Variants in SEMA3D observed in about 807,000 individuals in gnomAD.
SEMA3D encodes semaphorin 3D.
A neutral mutation model predicts 100.1 loss-of-function variants in SEMA3D; 84 were observed. The ratio of observed to expected loss-of-function variants is 0.84; its 90% CI spans 0.70 to 1.01. SEMA3D has a LOEUF of 1.01. Among genes scored for constraint, SEMA3D ranks in the 50% least tolerant of loss-of-function variants. The pLI is 0.00. For synonymous variants in SEMA3D, 312 were observed against 320.7 expected (o/e 0.97, Z 0.29); for missense variants, 875 against 934.1 (o/e 0.94, Z 0.82).
intron 3 of SEMA3D, among the ~76,000 whole-genome samples, chr7:85,107,857 G>A (rs145331049): frequency 4.6e-5 from 7 of 151,724 alleles, no homozygotes; most frequent in Non-Finnish European, 7.4e-5. Flanking sequence ...CCTACTGCCC[G>A]CCATATTACT....
chr7:85,201,404 C>T, the SEMA3D span, among the ~76,000 whole-genome samples: 181 of 152,250 alleles, frequency 1.2e-3, no homozygotes, highest in African/African-American at 3.8e-3. Context: ...AGTCATTTAA[C>T]GTTTCCTGCT....
chr7:85,072,040 A>G (rs1791788851), intron 6 of SEMA3D, among the ~76,000 whole-genome samples: 1 of 152,160 alleles, frequency 6.6e-6, no homozygotes, highest in African/African-American at 2.4e-5. Flanking sequence ...TTGAGACTTA[A>G]TTTTTACTAA....
In SEMA3D at chr7:85,042,304, T is replaced by A. The variant is rs376818938; in HGVS notation, c.862-19A>T. 1.1e-5 allele frequency: 17 copies of A among 1,486,420 alleles called. No individual in the cohort carries two copies. Among genetic ancestry groups the A allele is most frequent in the African/African-American group, 5.6e-5 (4 of 71,964 alleles). 92.1% of individuals were successfully genotyped at this position (1,486,420 alleles called of 1,614,324 possible). ...CATCATTCTGACATGAAAAAAAAAA[T>A]AAAGATAAATATTTATCAACACAAT... is the stretch of plus-strand genomic sequence containing the variant. On this transcript the variant is annotated intron_variant, in intron 9 of 18. Transcript: ENST00000284136.
At chr7:85,029,439 G>C (rs1201947998) in intron 12 of SEMA3D, 1 of 760,180 alleles carries the variant, frequency 1.3e-6, no homozygotes, top group African/African-American at 1.7e-5. Context: ...TTCAAGTCAA[G>C]ATTAACAATG....
chr7:85,020,167 G>C, intron 14 of SEMA3D, 66 bp downstream of exon 14: 2 of 994,434 alleles, frequency 2.0e-6, no homozygotes, highest in Non-Finnish European at 3.2e-6. Flanking sequence ...TAAAACAAGG[G>C]TGCCCTATAA....
chr7:85,168,000 A>G (rs1285254807), intron 1 of SEMA3D, among the ~76,000 whole-genome samples: 1 of 151,878 alleles, frequency 6.6e-6, no homozygotes, highest in Non-Finnish European at 1.5e-5. Context: ...TAGTAGGGGT[A>G]CTCTATACTG....
the SEMA3D span, among the ~76,000 whole-genome samples, chr7:85,197,385 GGTTT>G: frequency 6.6e-6 from 1 of 152,002 alleles, no homozygotes; most frequent in Non-Finnish European, 1.5e-5. Flanking sequence ...TGTGATCCCA[GGTTT>G]TTAGATAAAC....
chr7:85,227,764 C>G, the SEMA3D span, among the ~76,000 whole-genome samples: 1 of 151,968 alleles, frequency 6.6e-6, no homozygotes, highest in Non-Finnish European at 1.5e-5. Context: ...AGTTAGAATT[C>G]TGTGTACTAT....
At chr7:85,235,733 G>C in the SEMA3D span, among the ~76,000 whole-genome samples, 1 of 152,110 alleles carries the variant, frequency 6.6e-6, no homozygotes, top group Non-Finnish European at 1.5e-5. Flanking sequence ...TAATGTGTGT[G>C]TCAGAAGGTG....
the SEMA3D span, among the ~76,000 whole-genome samples, chr7:85,221,707 A>G: frequency 6.6e-6 from 1 of 152,126 alleles, no homozygotes; most frequent in African/African-American, 2.4e-5. Flanking sequence ...TGTTATGAGT[A>G]TCTTTAGGAG....
chr7:85,112,601 G>C (rs1162911901), intron 3 of SEMA3D, among the ~76,000 whole-genome samples: 1 of 152,148 alleles, frequency 6.6e-6, no homozygotes, highest in African/African-American at 2.4e-5. Flanking sequence ...ACACAGCTTG[G>C]TTGTGCTATT....
Position 85,126,404 on chromosome 7 carries a change from C to CGTGT in SEMA3D, c.-40-4477_-40-4474dup, listed in dbSNP as rs374819280. On this transcript the variant is annotated intron_variant, in intron 2 of 18. Transcript: ENST00000284136. ...TGTGTGTGTGTGTGTGTGTGTGTGT[C>CGTGT]GTGTGTGTGTGTGTGTGTGTGTGTG... 2.3e-3 allele frequency among the ~76,000 whole-genome samples: 309 copies of CGTGT among 134,156 alleles called. 1 individual carries two copies. Among genetic ancestry groups the CGTGT allele is most frequent in the Middle Eastern group, 0.012 (3 of 256 alleles). 88.0% of individuals were successfully genotyped at this position (134,156 alleles called of 152,430 possible).
At chr7:85,144,509 T>G (rs1002835308) in intron 2 of SEMA3D, 1 of 980,066 alleles carries the variant, frequency 1.0e-6, no homozygotes, top group Non-Finnish European at 1.2e-6. Flanking sequence ...AGAATAGAGA[T>G]ATATTTTTTG....
chr7:85,069,423 T>C (rs1791713027), intron 6 of SEMA3D, among the ~76,000 whole-genome samples: 1 of 152,164 alleles, frequency 6.6e-6, no homozygotes, highest in African/African-American at 2.4e-5. Context: ...ATAATAATGG[T>C]ACCTTTATAA....
the SEMA3D span, among the ~76,000 whole-genome samples, chr7:85,223,899 G>GA: frequency 5.5e-5 from 8 of 144,982 alleles, no homozygotes; most frequent in Admixed American, 2.1e-4. Flanking sequence ...AAAAGCTGTT[G>GA]AAAAAAAAAA....
Position 85,112,017 on chromosome 7 carries a change from A to G in SEMA3D, c.151+9724T>C, listed in dbSNP as rs189874081. Among the ~76,000 whole-genome samples the G allele has an allele frequency of 3.7e-3, 570 of 152,188 alleles. 4 individuals are homozygous for G. The highest frequency in any genetic ancestry group is 0.013 in the African/African-American group (557 of 41,536). On this transcript the variant is annotated intron_variant, in intron 3 of 18. Coordinates refer to ENST00000284136, the MANE Select transcript of SEMA3D (RefSeq NM_001384900.1). ...ATTTGATTACTACATACCCACCACTACTGAGCTCCCTGTCTTGATTCATTT... is the reference window on the plus strand; with the variant it reads ...ATTTGATTACTACATACCCACCACTGCTGAGCTCCCTGTCTTGATTCATTT...
At chr7:85,244,708 C>CTTTTT in the SEMA3D span, among the ~76,000 whole-genome samples, 1 of 121,892 alleles carries the variant, frequency 8.2e-6, no homozygotes, top group African/African-American at 3.1e-5. Context: ...ACTGCACAAT[C>CTTTTT]TTTTTTTTTT....
intron 4 of SEMA3D, among the ~76,000 whole-genome samples, chr7:85,082,199 G>A (rs2116236826): frequency 6.6e-6 from 1 of 152,230 alleles, no homozygotes; most frequent in Middle Eastern, 3.4e-3. Flanking sequence ...TAAATAACGT[G>A]TTGAGGACCA....
the SEMA3D span, among the ~76,000 whole-genome samples, chr7:85,224,843 T>G: frequency 3.9e-5 from 6 of 151,902 alleles, no homozygotes; most frequent in South Asian, 6.2e-4. Flanking sequence ...CTGATAAGCA[T>G]GAAAATCTCA....
Sources: allele counts gnomAD v4.1 joint callset (sites outside exome capture counted in the v4.1 genomes callset), GRCh38; gene constraint gnomAD v4.1.1; transcripts MANE v1.5; gene names NCBI Gene and HGNC (gene_info 2026-07-23, HGNC 2026-07-21).